Variants in C1QTNF3 observed in about 807,000 individuals in gnomAD.
The protein encoded by C1QTNF3 is complement C1q tumor necrosis factor-related protein 3.
C1QTNF3 carries 26 observed loss-of-function variants against 32.6 expected under a neutral mutation model. That is an observed-to-expected ratio of 0.80 (90% CI 0.58 to 1.11). C1QTNF3 has a LOEUF of 1.11. Among genes scored for constraint, C1QTNF3 ranks in the 50% least tolerant of loss-of-function variants. The pLI, the probability that C1QTNF3 is intolerant of heterozygous loss-of-function variation, is 0.00. For missense variants in C1QTNF3, 362 were observed against 398.2 expected, an observed-to-expected ratio of 0.91 and a Z score of 0.77; for synonymous variants, 155 against 146.0, an observed-to-expected ratio of 1.06 and a Z score of -0.44.
chr5:34,082,023 A>G, the C1QTNF3 span, among the ~76,000 whole-genome samples: 1 of 151,736 alleles, frequency 6.6e-6, no homozygotes, highest in Admixed American at 6.6e-5. Context: ...TTTTTCCCCC[A>G]AGTAGAAATT....
In C1QTNF3 at chr5:34,020,356, T is replaced by G; in HGVS notation, c.*227A>C. The G allele has an allele frequency of 2.2e-6, 1 of 445,914 alleles. No homozygotes were observed. Among genetic ancestry groups the G allele is most frequent in the South Asian group, 4.7e-5 (1 of 21,098 alleles). 27.6% of individuals were successfully genotyped at this position (445,914 alleles called of 1,614,324 possible). On this transcript the variant is annotated 3_prime_UTR_variant, in exon 6 of 6. Transcript: ENST00000382065. ...GGTGCCAAGGAAAGAGTGATAAAGA[T>G]GCTGAGTATATTAGTCAAGGTCATC...
At chr5:34,112,067 A>G in the C1QTNF3 span, among the ~76,000 whole-genome samples, 1 of 152,192 alleles carries the variant, frequency 6.6e-6, no homozygotes, top group Non-Finnish European at 1.5e-5. Flanking sequence ...CACACTGTCT[A>G]AGGACTCTCA....
At chr5:34,169,740 C>A in the C1QTNF3 span, among the ~76,000 whole-genome samples, 1 of 151,962 alleles carries the variant, frequency 6.6e-6, no homozygotes, top group Non-Finnish European at 1.5e-5. Flanking sequence ...AATGATATTA[C>A]CTCACTCTTG....
chr5:34,045,877 G>A (rs1190083626), upstream of C1QTNF3, among the ~76,000 whole-genome samples: 4 of 152,088 alleles, frequency 2.6e-5, no homozygotes, highest in Non-Finnish European at 5.9e-5. Flanking sequence ...GTTGGATTAT[G>A]TACCCCCAAA....
At chr5:34,142,595 CTGAG>C in the C1QTNF3 span, among the ~76,000 whole-genome samples, 1 of 152,208 alleles carries the variant, frequency 6.6e-6, no homozygotes, top group African/African-American at 2.4e-5. Context: ...AGCTGTGTGA[CTGAG>C]TAAAGAGCCT....
chr5:34,045,455 C>G (rs1399485485), upstream of C1QTNF3, among the ~76,000 whole-genome samples: 3 of 152,214 alleles, frequency 2.0e-5, no homozygotes, highest in Admixed American at 6.5e-5. Context: ...GATCCATCCT[C>G]TCATTGACTC....
chr5:34,137,665 G>A, the C1QTNF3 span, among the ~76,000 whole-genome samples: 1 of 152,206 alleles, frequency 6.6e-6, no homozygotes, highest in Non-Finnish European at 1.5e-5. Flanking sequence ...CATGTGTTCA[G>A]ATATACAGTG....
chr5:34,068,168 T>G, the C1QTNF3 span, among the ~76,000 whole-genome samples: 8 of 152,176 alleles, frequency 5.3e-5, no homozygotes, highest in African/African-American at 1.9e-4. Context: ...GATAAACTCT[T>G]CTTAGATTTT....
chr5:34,132,492 C>T, the C1QTNF3 span, among the ~76,000 whole-genome samples: 3 of 146,414 alleles, frequency 2.0e-5, no homozygotes, highest in Non-Finnish European at 4.5e-5. Flanking sequence ...CAAAATTTAA[C>T]AGGTGCAAAC....
At chr5:34,070,242 C>T in the C1QTNF3 span, among the ~76,000 whole-genome samples, 1 of 152,122 alleles carries the variant, frequency 6.6e-6, no homozygotes, top group South Asian at 2.1e-4. Context: ...GACTAATTTT[C>T]CGGCCACTTC....
At chr5:34,138,138 T>C in the C1QTNF3 span, among the ~76,000 whole-genome samples, 1 of 152,170 alleles carries the variant, frequency 6.6e-6, no homozygotes, top group Non-Finnish European at 1.5e-5. Context: ...CGCTGACACC[T>C]TGATGTCAGA....
At chr5:34,063,495 C>T in the C1QTNF3 span, among the ~76,000 whole-genome samples, 1 of 151,730 alleles carries the variant, frequency 6.6e-6, no homozygotes, top group Non-Finnish European at 1.5e-5. Context: ...GGCCAAGGAG[C>T]CAAGGCTTGG....
chr5:34,161,029 T>G, the C1QTNF3 span, among the ~76,000 whole-genome samples: 1 of 152,192 alleles, frequency 6.6e-6, no homozygotes, highest in Non-Finnish European at 1.5e-5. Flanking sequence ...TACATTTTAT[T>G]GGGCATACTT....
chr5:34,195,004 A>C, the C1QTNF3 span, among the ~76,000 whole-genome samples: 1 of 152,154 alleles, frequency 6.6e-6, no homozygotes, highest in African/African-American at 2.4e-5. Flanking sequence ...GGTTGGCTTA[A>C]CAGATGTAGA....
chr5:34,159,157 C>T, the C1QTNF3 span, among the ~76,000 whole-genome samples: 3 of 147,682 alleles, frequency 2.0e-5, no homozygotes, highest in Non-Finnish European at 4.5e-5. Flanking sequence ...TCAATGTCTA[C>T]TATCTGATCA....
At chr5:34,075,837 C>T in the C1QTNF3 span, among the ~76,000 whole-genome samples, 2 of 150,862 alleles carry the variant, frequency 1.3e-5, no homozygotes, top group African/African-American at 2.5e-5. Flanking sequence ...TGGAAGGACC[C>T]CCAGGTGTCA....
chr5:34,221,737 T>C, the C1QTNF3 span, among the ~76,000 whole-genome samples: 1 of 149,936 alleles, frequency 6.7e-6, no homozygotes. Flanking sequence ...GTTATTTTCA[T>C]AGATTTTAAT....
At chr5:34,085,314 A>G in the C1QTNF3 span, among the ~76,000 whole-genome samples, 1 of 150,188 alleles carries the variant, frequency 6.7e-6, no homozygotes, top group Non-Finnish European at 1.5e-5. Flanking sequence ...TCTTTAAACC[A>G]TCTTGGGTTA....
chr5:34,080,407 A>T, the C1QTNF3 span, among the ~76,000 whole-genome samples: 1 of 151,798 alleles, frequency 6.6e-6, no homozygotes, highest in Non-Finnish European at 1.5e-5. Context: ...CAACGAGTTT[A>T]GCTCCAGAGC....
Sources: allele counts gnomAD v4.1 joint callset (sites outside exome capture counted in the v4.1 genomes callset), GRCh38; gene constraint gnomAD v4.1.1; transcripts MANE v1.5; gene names NCBI Gene and HGNC (gene_info 2026-07-23, HGNC 2026-07-21).